TGFBR3: variants seen among roughly 807,000 people sequenced by gnomAD.
TGFBR3 encodes transforming growth factor beta receptor 3.
TGFBR3 carries 46 observed loss-of-function variants against 87.9 expected under a neutral mutation model. The ratio of observed to expected loss-of-function variants is 0.52; its 90% confidence interval spans 0.41 to 0.67. The LOEUF (loss-of-function observed/expected upper bound fraction) is 0.67, where lower values mean the gene tolerates loss of function less well. Ranked by LOEUF, TGFBR3 falls within the 30% of genes least tolerant of loss-of-function variation. The pLI is 0.00. For missense variants in TGFBR3, 866 were observed against 1,041.9 expected (o/e 0.83, Z 2.32); for synonymous variants, 381 against 391.6 (o/e 0.97, Z 0.32).
Position 91,843,276 on chromosome 1 carries a change from T to A in TGFBR3, c.61+18195A>T, listed in dbSNP as rs147428861. 6.6e-5 allele frequency among the ~76,000 whole-genome samples: 10 copies of A among 152,234 alleles called. No homozygotes were observed. In the East Asian group the frequency reaches 1.9e-3, roughly 29 times the overall value. ...TTAGGTCATGAGGACAGCGCTCTCA[T>A]GAATGGTATGAGTGTCTTAAAAGAG... On this transcript the variant is annotated intron_variant, in intron 2 of 16. Coordinates refer to ENST00000212355, the MANE Select transcript of TGFBR3 (RefSeq NM_003243.5).
rs1219804243 is a variant in TGFBR3 at position 91,683,344 on chromosome 1, C to A, written c.*395G>T. On this transcript the variant is annotated 3_prime_UTR_variant, in exon 17 of 17. Coordinates refer to ENST00000212355, the MANE Select transcript of TGFBR3 (RefSeq NM_003243.5). ...TCTCCTCACTGGTTCTACTATCTGG[C>A]TATTAACCCTTTACCAACTCCTTGA... The A allele has an allele frequency of 2.1e-6, 1 of 476,224 alleles. No individual in the cohort carries two copies. The highest frequency in any genetic ancestry group is 4.1e-6 in the Non-Finnish European group (1 of 241,778). 29.5% of individuals were successfully genotyped at this position (476,224 alleles called of 1,614,324 possible). A position where few individuals can be genotyped will look rare whatever the true frequency, so the allele number is the denominator to read the frequency against.
intron 3 of TGFBR3, among the ~76,000 whole-genome samples, chr1:91,781,454 G>T (rs1237991760): frequency 1.3e-5 from 2 of 152,158 alleles, no homozygotes; most frequent in African/African-American, 4.8e-5. Flanking sequence ...CCTTCCAGAG[G>T]CCTCTCCAGC....
intron 2 of TGFBR3, among the ~76,000 whole-genome samples, chr1:91,858,218 C>T (rs1010051009): frequency 6.6e-6 from 1 of 152,146 alleles, no homozygotes; most frequent in African/African-American, 2.4e-5. Flanking sequence ...ATTGTTATAA[C>T]TACCCAGATG....
At chr1:91,831,195 T>G (rs1676847179) in intron 2 of TGFBR3, among the ~76,000 whole-genome samples, 2 of 152,040 alleles carry the variant, frequency 1.3e-5, no homozygotes, top group Admixed American at 6.6e-5. Flanking sequence ...GCTTCTGTCC[T>G]CAAGGTAGAT....
At chr1:91,852,444 T>C (rs1223614726) in intron 2 of TGFBR3, among the ~76,000 whole-genome samples, 1 of 152,244 alleles carries the variant, frequency 6.6e-6, no homozygotes, top group Non-Finnish European at 1.5e-5. Flanking sequence ...TGCACGCACA[T>C]GCTGTTTCTG....
At chr1:91,789,462 G>A (rs918092068) in intron 3 of TGFBR3, among the ~76,000 whole-genome samples, 1 of 152,142 alleles carries the variant, frequency 6.6e-6, no homozygotes, top group Non-Finnish European at 1.5e-5. Flanking sequence ...GCCGGGGCAG[G>A]GGCTGTACTT....
At chr1:91,886,965 T>C (rs999933337), upstream of TGFBR3, among the ~76,000 whole-genome samples, 3 of 152,182 alleles carry the variant, frequency 2.0e-5, no homozygotes, top group East Asian at 1.9e-4. Context: ...GCTGCAGAAG[T>C]TGAACTGCTG....
chr1:91,869,791 A>G (rs572404511), intron 1 of TGFBR3, among the ~76,000 whole-genome samples: 1 of 152,382 alleles, frequency 6.6e-6, no homozygotes, highest in South Asian at 2.1e-4. Context: ...GACCATCAGC[A>G]TGTTTTACCA....
In TGFBR3 at chr1:91,683,460, C is replaced by T. The variant is rs1486012381; in HGVS notation, c.*279G>A. Reference sequence around the variant, plus strand: ...ACTGGCATGTGTTTCACATTGAAAACCCCCAAGCCTGTGAGGGGCTGGTGG... The same window carrying T: ...ACTGGCATGTGTTTCACATTGAAAATCCCCAAGCCTGTGAGGGGCTGGTGG... On this transcript the variant is annotated 3_prime_UTR_variant, in exon 17 of 17. Transcript: ENST00000212355. 1.5e-6 allele frequency: 1 copy of T among 645,514 alleles called. No individual in the cohort carries two copies. The highest frequency in any genetic ancestry group is 1.5e-5 in the South Asian group (1 of 66,222). 40.0% of individuals were successfully genotyped at this position (645,514 alleles called of 1,614,324 possible).
chr1:91,809,323 G>A (rs575441939), intron 2 of TGFBR3, among the ~76,000 whole-genome samples: 2 of 152,366 alleles, frequency 1.3e-5, no homozygotes, highest in East Asian at 1.9e-4. Flanking sequence ...GCAAAAGCAC[G>A]GAGGAATAAC....
In TGFBR3 at chr1:91,766,756, G is replaced by C. The variant is rs948173886; in HGVS notation, c.247-8006C>G. Among the ~76,000 whole-genome samples, 17 of 133,674 alleles carry C rather than the reference G, an allele frequency of 1.3e-4. 1 individual carries two copies. The highest frequency in any genetic ancestry group is 2.5e-4 in the Non-Finnish European group (15 of 60,906). 87.7% of individuals were successfully genotyped at this position (133,674 alleles called of 152,430 possible). The stretch of plus-strand genomic sequence containing the variant: ...TCCCCATTGCTCCTATAGATAGATA[G>C]GATGTCTGATGTTAGAATCCTAAGG... On this transcript the variant is annotated intron_variant, in intron 3 of 16. Coordinates refer to ENST00000212355, the MANE Select transcript of TGFBR3 (RefSeq NM_003243.5).
chr1:91,861,856 GC>G (rs1405548035), intron 1 of TGFBR3: 1 of 193,608 alleles, frequency 5.2e-6, no homozygotes, highest in South Asian at 4.4e-5. Flanking sequence ...TTTGTTATTG[GC>G]TTTTTTTTTT....
intron 2 of TGFBR3, among the ~76,000 whole-genome samples, chr1:91,895,214 A>G (rs752937069): frequency 1.3e-5 from 2 of 152,174 alleles, no homozygotes; most frequent in Non-Finnish European, 2.9e-5. Flanking sequence ...CGAATTTCTC[A>G]TGAATGGTTT....
intron 14 of TGFBR3, among the ~76,000 whole-genome samples, chr1:91,705,311 G>A (rs1410574996): frequency 6.7e-6 from 1 of 148,216 alleles, no homozygotes; most frequent in African/African-American, 2.5e-5. Flanking sequence ...TGCAACCTCT[G>A]CTTCCCAGGT....
chr1:91,867,043 A>G (rs915503404), intron 1 of TGFBR3, among the ~76,000 whole-genome samples: 1 of 152,230 alleles, frequency 6.6e-6, no homozygotes, highest in African/African-American at 2.4e-5. Flanking sequence ...ATGGAGCCTC[A>G]GTTTCCTCCT....
chr1:91,799,828 A>G (rs1020037409), intron 2 of TGFBR3, among the ~76,000 whole-genome samples: 4 of 152,136 alleles, frequency 2.6e-5, no homozygotes, highest in African/African-American at 9.7e-5. Flanking sequence ...GGCAGGGGCA[A>G]AAACTCAATG....
chr1:91,818,277 C>CTTTTTTTTTTTTTTTTTTTTTTTTT lies in TGFBR3; in HGVS notation c.62-20807_62-20806insAAAAAAAAAAAAAAAAAAAAAAAAA, dbSNP rs1557726893. Among the ~76,000 whole-genome samples, 6 of 123,142 alleles carry CTTTTTTTTTTTTTTTTTTTTTTTTT rather than the reference C, an allele frequency of 4.9e-5. 3 individuals are homozygous for CTTTTTTTTTTTTTTTTTTTTTTTTT. Among genetic ancestry groups the CTTTTTTTTTTTTTTTTTTTTTTTTT allele is most frequent in the South Asian group, 5.5e-4 (2 of 3,636 alleles). The allele number at this position is 123,142 out of a possible 152,430, so 80.8% of individuals were successfully genotyped here. A position where few individuals can be genotyped will look rare whatever the true frequency, so the allele number is the denominator to read the frequency against. On this transcript the variant is annotated intron_variant, in intron 2 of 16. Coordinates refer to ENST00000212355, the MANE Select transcript of TGFBR3 (RefSeq NM_003243.5). Reference sequence around the variant, plus strand: ...CTGCACCATTTCCCCTTAGCCCCAGCCTTTTTTTTTTTTTTTTTTTTTTTT... The same window carrying CTTTTTTTTTTTTTTTTTTTTTTTTT: ...CTGCACCATTTCCCCTTAGCCCCAGCTTTTTTTTTTTTTTTTTTTTTTTTTCTTTTTTTTTTTTTTTTTTTTTTTT...
chr1:91,703,966 TC>T (rs1418386908), intron 14 of TGFBR3, among the ~76,000 whole-genome samples: 2 of 152,232 alleles, frequency 1.3e-5, no homozygotes, highest in Admixed American at 1.3e-4. Flanking sequence ...TCCTTCATCT[TC>T]CTTTTAGTTC....
intron 15 of TGFBR3, 64 bp from the exon 16 acceptor site, chr1:91,695,843 T>C: frequency 7.7e-7 from 1 of 1,299,390 alleles, no homozygotes; most frequent in Non-Finnish European, 1.1e-6. Context: ...ATTGCAATTT[T>C]ATATTTGTTT....
Sources: gnomAD v4.1 joint callset for allele counts (sites outside exome capture counted in the v4.1 genomes callset) on GRCh38, gnomAD v4.1.1 for gene constraint, MANE v1.5 for transcripts, NCBI Gene and HGNC (gene_info 2026-07-23, HGNC 2026-07-21) for gene names.